SGCD: variants seen among roughly 807,000 people sequenced by gnomAD.
The protein encoded by SGCD is sarcoglycan delta.
A neutral mutation model predicts 36.6 loss-of-function variants in SGCD; 18 were observed. That is an observed-to-expected ratio of 0.49 (90% CI 0.34 to 0.73). The LOEUF is 0.73. Ranked by LOEUF, SGCD falls within the 30% of genes least tolerant of loss-of-function variation. SGCD has a pLI of 0.01. For synonymous variants in SGCD, 133 were observed against 130.6 expected (o/e 1.02, Z -0.12); for missense variants, 387 against 346.7 (o/e 1.12, Z -0.92).
intron 3 of SGCD, among the ~76,000 whole-genome samples, chr5:156,230,178 G>C (rs1764979856): frequency 6.6e-6 from 1 of 152,094 alleles, no homozygotes; most frequent in African/African-American, 2.4e-5. Context: ...TCTTTTTGGA[G>C]TAAATCAGGG....
intron 7 of SGCD, among the ~76,000 whole-genome samples, chr5:156,712,721 C>A (rs1173733915): frequency 6.6e-6 from 1 of 152,170 alleles, no homozygotes; most frequent in African/African-American, 2.4e-5. Flanking sequence ...TGGTACACAC[C>A]AAGCCCTTGT....
upstream of SGCD, among the ~76,000 whole-genome samples, chr5:155,869,092 A>C (rs1755580878): frequency 6.6e-6 from 1 of 152,182 alleles, no homozygotes; most frequent in Non-Finnish European, 1.5e-5. Flanking sequence ...AGATGTCAAT[A>C]ATTAGGTTAT....
intron 1 of SGCD, among the ~76,000 whole-genome samples, chr5:155,963,097 G>A (rs1757824196): frequency 6.6e-6 from 1 of 152,058 alleles, no homozygotes; most frequent in South Asian, 2.1e-4. Context: ...CAGGGACAAA[G>A]GTTTTCTGTC....
At chr5:156,170,833 C>G (rs1763327397) in intron 3 of SGCD, among the ~76,000 whole-genome samples, 1 of 152,212 alleles carries the variant, frequency 6.6e-6, no homozygotes, top group Non-Finnish European at 1.5e-5. Context: ...CCCCATGCAG[C>G]TTTTGCAAGA....
At chr5:156,110,489 C>A (rs1384778642) in intron 1 of SGCD, among the ~76,000 whole-genome samples, 1 of 151,822 alleles carries the variant, frequency 6.6e-6, no homozygotes, top group East Asian at 1.9e-4. Flanking sequence ...AATTTTCTTT[C>A]CTTTCTCTCC....
the SGCD span, among the ~76,000 whole-genome samples, chr5:155,763,582 T>A: frequency 6.6e-6 from 1 of 152,126 alleles, no homozygotes; most frequent in African/African-American, 2.4e-5. Context: ...CTCAGACACA[T>A]CATTTGTAAT....
At chr5:156,200,000 TA>T (rs1764106971) in intron 3 of SGCD, among the ~76,000 whole-genome samples, 3 of 152,108 alleles carry the variant, frequency 2.0e-5, no homozygotes, top group Non-Finnish European at 4.4e-5. Flanking sequence ...CCTGTTAACA[TA>T]GTGTGATGTA....
At position 156,143,967 on chromosome 5, in the gene SGCD, T is replaced by C. The variant is rs533011232; in HGVS notation, c.-44+19948T>C. ...GTTTTCTCATTGTTCAATTCCCACC[T>C]ATGAGTGAGAACATGTGGTGTTTGT... is the stretch of plus-strand genomic sequence containing the variant. On this transcript the variant is annotated intron_variant, in intron 3 of 9. Coordinates refer to the SGCD transcript ENST00000517913. 5.7e-4 allele frequency among the ~76,000 whole-genome samples: 82 copies of C among 143,614 alleles called. 1 individual carries two copies. The highest frequency in any genetic ancestry group is 7.3e-3 in the Middle Eastern group (2 of 274). 94.2% of individuals were successfully genotyped at this position (143,614 alleles called of 152,430 possible). A position where few individuals can be genotyped will look rare whatever the true frequency, so the allele number is the denominator to read the frequency against.
rs1347669285 is a variant in SGCD at position 156,572,268 on chromosome 5, G to A, written c.295-16963G>A. ...AATTCTTTCTGGTATATACTTAGGA[G>A]TAGAGTTGCTGAGTAATATGGGAAT... On this transcript the variant is annotated intron_variant, in intron 4 of 8. Coordinates refer to ENST00000337851, the MANE Select transcript of SGCD (RefSeq NM_000337.6). Among the ~76,000 whole-genome samples, 4 of 152,292 alleles carry A rather than the reference G, an allele frequency of 2.6e-5. No homozygotes were observed. In the East Asian group the frequency reaches 5.8e-4, roughly 22 times the overall value.
intron 7 of SGCD, among the ~76,000 whole-genome samples, chr5:156,749,442 A>G (rs940025364): frequency 1.3e-5 from 2 of 152,208 alleles, no homozygotes; most frequent in Admixed American, 1.3e-4. Flanking sequence ...ACATAAAAAT[A>G]GATCAGATTG....
chr5:156,555,736 G>A (rs1758994529), intron 4 of SGCD, among the ~76,000 whole-genome samples: 1 of 150,720 alleles, frequency 6.6e-6, no homozygotes, highest in East Asian at 1.9e-4. Flanking sequence ...GAATTTTTAA[G>A]ATCGGCTCTC....
In SGCD at chr5:156,574,058, A is replaced by G. The variant is rs574012467; in HGVS notation, c.295-15173A>G. Among the ~76,000 whole-genome samples the G allele has an allele frequency of 6.8e-4, 103 of 152,104 alleles. 1 individual carries two copies. Among genetic ancestry groups the G allele is most frequent in the Non-Finnish European group, 1.2e-3 (80 of 68,028 alleles). ...GAGTCCTCACCCTTTACTCGGCACT[A>G]TGCTGCCTGTTTTGCATATATCGTC... is the stretch of plus-strand genomic sequence containing the variant. On this transcript the variant is annotated intron_variant, in intron 4 of 8. Transcript: ENST00000337851.
intron 3 of SGCD, among the ~76,000 whole-genome samples, chr5:156,442,998 C>CT (rs200362793): frequency 5.3e-5 from 8 of 152,028 alleles, no homozygotes; most frequent in South Asian, 2.1e-4. Context: ...TTTCTACCTT[C>CT]TTTTTTTTGA....
chr5:155,986,495 C>T (rs1235575859), intron 1 of SGCD, among the ~76,000 whole-genome samples: 1 of 152,162 alleles, frequency 6.6e-6, no homozygotes, highest in Non-Finnish European at 1.5e-5. Context: ...CTGAGATGAG[C>T]ATGGCATCAG....
chr5:156,491,941 C>G (rs938177039), intron 3 of SGCD, among the ~76,000 whole-genome samples: 2 of 152,064 alleles, frequency 1.3e-5, no homozygotes, highest in African/African-American at 2.4e-5. Flanking sequence ...TAACTTGTTG[C>G]TTGACAACTC....
intron 1 of SGCD, among the ~76,000 whole-genome samples, chr5:156,046,554 T>C (rs1759769521): frequency 6.6e-6 from 1 of 152,210 alleles, no homozygotes; most frequent in Non-Finnish European, 1.5e-5. Flanking sequence ...TTTTCAGTAC[T>C]ATTTTACCTG....
intron 3 of SGCD, among the ~76,000 whole-genome samples, chr5:156,202,892 G>A (rs1764186264): frequency 6.6e-6 from 1 of 151,684 alleles, no homozygotes; most frequent in South Asian, 2.1e-4. Flanking sequence ...GTGAATTCTA[G>A]GTAAGGCTGA....
At chr5:156,034,994 AATTTTTATAATAC>A (rs1759452493) in intron 1 of SGCD, among the ~76,000 whole-genome samples, 1 of 152,170 alleles carries the variant, frequency 6.6e-6, no homozygotes, top group Admixed American at 6.5e-5. Context: ...ACTTTTTGGC[AATTTTTATAATAC>A]ATAAATACCT....
chr5:156,025,764 A>T (rs1341004863), intron 1 of SGCD, among the ~76,000 whole-genome samples: 1 of 152,212 alleles, frequency 6.6e-6, no homozygotes, highest in East Asian at 1.9e-4. Flanking sequence ...TGATTCTCAG[A>T]CTAATCTCAA....
Sources: gnomAD v4.1 joint callset for allele counts (sites outside exome capture counted in the v4.1 genomes callset) on GRCh38, gnomAD v4.1.1 for gene constraint, MANE v1.5 for transcripts, NCBI Gene and HGNC (gene_info 2026-07-23, HGNC 2026-07-21) for gene names.